Variants in RASA1 observed in about 807,000 individuals in gnomAD.
RASA1 encodes RAS p21 protein activator 1, also known as ras GTPase-activating protein 1.
In RASA1, 25 loss-of-function variants were observed where a neutral mutation model predicts 132.2. That is an observed-to-expected ratio of 0.19 (90% CI 0.14 to 0.26). The LOEUF (loss-of-function observed/expected upper bound fraction) is 0.26. Among genes scored for constraint, RASA1 ranks in the 10% least tolerant of loss-of-function variants. RASA1 has a pLI of 1.00. For synonymous variants in RASA1, 477 were observed against 449.9 expected (o/e 1.06, Z -0.76); for missense variants, 964 against 1,299.2 (o/e 0.74, Z 3.97).
chr5:87,315,266 C>G (rs1177035535), intron 1 of RASA1, among the ~76,000 whole-genome samples: 5 of 152,160 alleles, frequency 3.3e-5, no homozygotes, highest in Non-Finnish European at 7.4e-5. Context: ...AAGTCCAAGA[C>G]TGGGCAGGGG....
Position 87,374,288 on chromosome 5 carries a change from A to G in RASA1, c.1902A>G (p.Gln634=). Residue 634 remains glutamine (Q), a synonymous_variant, in exon 14 of 25, where the codon CAA becomes CAG. Coordinates refer to ENST00000274376, the MANE Select transcript of RASA1 (RefSeq NM_002890.3). The part of the protein sequence containing the change: ...QVAKTHAREG[Q]NPVWSEEFVF... ...CAAAAACTCATGCAAGGGAAGGGCA[A>G]AACCCAGTATGGTCAGAAGAGTTTG... is the stretch of plus-strand genomic sequence containing the variant. The G allele has an allele frequency of 1.2e-6, 2 of 1,605,988 alleles. No homozygotes were observed. Among genetic ancestry groups the G allele is most frequent in the South Asian group, 1.1e-5 (1 of 90,586 alleles).
intron 4 of RASA1, among the ~76,000 whole-genome samples, chr5:87,334,947 G>A (rs577748983): frequency 6.6e-6 from 1 of 151,584 alleles, no homozygotes; most frequent in African/African-American, 2.4e-5. Flanking sequence ...GCAGTGGCAC[G>A]ATCTTGCCTC....
At chr5:87,349,062 A>T (rs1306549308) in intron 7 of RASA1, 152 bp from the exon 8 acceptor site, 1 of 965,348 alleles carries the variant, frequency 1.0e-6, no homozygotes, top group African/African-American at 1.7e-5. Context: ...TAAACCAGAA[A>T]ATTTGAAAGA....
At chr5:87,299,031 G>A (rs975763795) in intron 1 of RASA1, among the ~76,000 whole-genome samples, 1 of 152,164 alleles carries the variant, frequency 6.6e-6, no homozygotes, top group African/African-American at 2.4e-5. Context: ...TTCCATTAAT[G>A]GAACGCTAAG....
At chr5:87,364,862 A>G (rs1185570653) in intron 11 of RASA1, among the ~76,000 whole-genome samples, 1 of 152,106 alleles carries the variant, frequency 6.6e-6, no homozygotes, top group Non-Finnish European at 1.5e-5. Context: ...TGAGGTAGCA[A>G]AAGGAATGGG....
rs1460263090 is a variant in RASA1, at chr5:87,374,275, C to A, written c.1889C>A (p.Ala630Glu). ...AGTGTCCAAGTAGCAAAAACTCATG[C>A]AAGGGAAGGGCAAAACCCAGTATGG... is the stretch of plus-strand genomic sequence containing the variant. ...LNSVQVAKTH[A>E]REGQNPVWSE... Residue 630 changes from alanine to glutamate, a missense_variant, in exon 14 of 25, where the codon GCA (alanine) becomes GAA (glutamate). Ala to Glu is a moderately radical substitution (Grantham distance 107). Around this residue, in one of 6 missense-constraint regions of RASA1, gnomAD observed 346 missense variants for 520.1 expected, o/e 0.67. Transcript: ENST00000274376. The A allele has an allele frequency of 6.2e-7, 1 of 1,604,210 alleles. No individual in the cohort carries two copies. Among genetic ancestry groups the A allele is most frequent in the South Asian group, 1.1e-5 (1 of 90,508 alleles).
chr5:87,363,270 T>G (rs1760252127), intron 10 of RASA1, 78 bp from the exon 11 acceptor site: 8 of 1,298,888 alleles, frequency 6.2e-6, no homozygotes, highest in Non-Finnish European at 8.7e-6. Context: ...ATTCATATTT[T>G]TAGAAACACT....
At chr5:87,332,671 A>T in intron 3 of RASA1, 29 bp downstream of exon 3, 1 of 1,586,788 alleles carries the variant, frequency 6.3e-7, no homozygotes, top group Non-Finnish European at 8.6e-7. Context: ...ATATCTTTCA[A>T]AACTTTATTT....
chr5:87,303,978 C>T (rs1034944967), intron 1 of RASA1, among the ~76,000 whole-genome samples: 6 of 151,526 alleles, frequency 4.0e-5, no homozygotes, highest in East Asian at 1.9e-4. Context: ...GGACCACAGG[C>T]GCCCACCACT....
intron 1 of RASA1, among the ~76,000 whole-genome samples, chr5:87,321,563 G>A (rs951221097): frequency 3.9e-5 from 6 of 152,132 alleles, no homozygotes; most frequent in Admixed American, 2.0e-4. Flanking sequence ...AGAGAAACAC[G>A]TTTACTGGTT....
intron 6 of RASA1, among the ~76,000 whole-genome samples, chr5:87,344,502 T>A (rs1475833725): frequency 6.6e-6 from 1 of 151,946 alleles, no homozygotes; most frequent in African/African-American, 2.4e-5. Flanking sequence ...GTCTTCAAAT[T>A]CATAATACTT....
intron 6 of RASA1, among the ~76,000 whole-genome samples, chr5:87,343,321 C>T (rs1340449167): frequency 6.6e-6 from 1 of 152,122 alleles, no homozygotes; most frequent in Non-Finnish European, 1.5e-5. Flanking sequence ...TTTTAAATCT[C>T]CTGCCAGGAT....
chr5:87,354,987 C>T (rs1054311931), intron 9 of RASA1, among the ~76,000 whole-genome samples: 1 of 152,152 alleles, frequency 6.6e-6, no homozygotes, highest in Admixed American at 6.6e-5. Flanking sequence ...GGTGAGGAAG[C>T]TCCAGAAGAA....
chr5:87,323,389 G>T (rs928421726), intron 1 of RASA1, among the ~76,000 whole-genome samples: 1 of 152,106 alleles, frequency 6.6e-6, no homozygotes, highest in African/African-American at 2.4e-5. Flanking sequence ...AGAAAAATGG[G>T]CATATTGTGG....
At chr5:87,305,608 T>C (rs1454619661) in intron 1 of RASA1, among the ~76,000 whole-genome samples, 5 of 152,112 alleles carry the variant, frequency 3.3e-5, no homozygotes, top group Admixed American at 6.5e-5. Flanking sequence ...GCAAAAGCAA[T>C]TGCAACAAAA....
At chr5:87,376,850 C>G in intron 16 of RASA1, 31 bp from the exon 17 acceptor site, 1 of 1,558,826 alleles carries the variant, frequency 6.4e-7, no homozygotes, top group South Asian at 1.1e-5. Flanking sequence ...ATGCTACGTA[C>G]TTTAAACAAT....
At chr5:87,344,449 C>G (rs1018538456) in intron 6 of RASA1, among the ~76,000 whole-genome samples, 1 of 152,130 alleles carries the variant, frequency 6.6e-6, no homozygotes, top group African/African-American at 2.4e-5. Flanking sequence ...GTTTACTACT[C>G]CTAGCACTTA....
intron 1 of RASA1, among the ~76,000 whole-genome samples, chr5:87,291,520 G>A (rs1333812679): frequency 6.6e-6 from 1 of 152,178 alleles, no homozygotes; most frequent in Non-Finnish European, 1.5e-5. Flanking sequence ...AACAGGGTGA[G>A]ACCCTGTCTC....
At chr5:87,339,479 C>G (rs1256923827) in intron 5 of RASA1, among the ~76,000 whole-genome samples, 1 of 152,090 alleles carries the variant, frequency 6.6e-6, no homozygotes, top group Non-Finnish European at 1.5e-5. Flanking sequence ...GTTTGGGTTT[C>G]CCTCTCCTTG....
Sources: gnomAD v4.1 joint callset for allele counts (sites outside exome capture counted in the v4.1 genomes callset) on GRCh38, gnomAD v4.1.1 for gene constraint, gnomAD v4.1.1 regional missense constraint, MANE v1.5 for transcripts, NCBI Gene and HGNC (gene_info 2026-07-23, HGNC 2026-07-21) for gene names.